Variants in CPEB1 observed in about 807,000 individuals in gnomAD.
CPEB1 encodes the protein cytoplasmic polyadenylation element binding protein 1.
A neutral mutation model predicts 65.8 loss-of-function variants in CPEB1; 7 were observed. That is an observed-to-expected ratio of 0.11 (90% confidence interval 0.06 to 0.20). CPEB1 has a LOEUF of 0.20. Ranked by LOEUF, CPEB1 falls within the 10% of genes least tolerant of loss-of-function variation. The pLI is 1.00. For missense variants in CPEB1, 551 were observed against 712.2 expected (o/e 0.77, Z 2.58); for synonymous variants, 262 against 260.0 (o/e 1.01, Z -0.08).
At position 82,610,982 on chromosome 15, in the gene CPEB1, A is replaced by G. The variant is rs866969513; in HGVS notation, c.271+16211T>C. On this transcript the variant is annotated intron_variant, in intron 3 of 12. Coordinates refer to ENST00000684509, the MANE Select transcript of CPEB1 (RefSeq NM_001365242.1). ...TCAAAAAAAAAAAAAAAAAAAAAAA[A>G]AAAAAAGAAAAAAAGAAAAAAAAAT... Among the ~76,000 whole-genome samples, 316 of 141,320 alleles carry G rather than the reference A, an allele frequency of 2.2e-3. 2 individuals carry two copies. The highest frequency in any genetic ancestry group is 0.011 in the Middle Eastern group (3 of 282). The allele number at this position is 141,320 out of a possible 152,430, so 92.7% of individuals were successfully genotyped here. A position where few individuals can be genotyped will look rare whatever the true frequency, so the allele number is the denominator to read the frequency against.
intron 3 of CPEB1, among the ~76,000 whole-genome samples, chr15:82,611,380 C>G (rs913228318): frequency 6.6e-6 from 1 of 152,048 alleles, no homozygotes; most frequent in African/African-American, 2.4e-5. Flanking sequence ...GACTTGGACA[C>G]TGAAAACTGT....
intron 3 of CPEB1, among the ~76,000 whole-genome samples, chr15:82,581,878 T>C (rs1228789094): frequency 1.3e-5 from 2 of 152,206 alleles, no homozygotes; most frequent in African/African-American, 4.8e-5. Context: ...GGTAAGTATC[T>C]GACTCAAGCT....
rs10656923 is a variant in CPEB1 at position 82,631,982 on chromosome 15, C to CTTT, written c.-97-3429_-97-3427dup. ...ACACAGAATTCATTTATTTTTTTCT[C>CTTT]TTTTTTTTTTTTTTTTTGAGACGGA... On this transcript the variant is annotated intron_variant, in intron 1 of 12. Coordinates refer to ENST00000684509, the MANE Select transcript of CPEB1 (RefSeq NM_001365242.1). Among the ~76,000 whole-genome samples the CTTT allele has an allele frequency of 7.2e-3, 902 of 124,970 alleles. 20 individuals carry two copies. The highest frequency in any genetic ancestry group is 0.011 in the African/African-American group (347 of 32,594). 82.0% of individuals were successfully genotyped at this position (124,970 alleles called of 152,430 possible). A position where few individuals can be genotyped will look rare whatever the true frequency, so the allele number is the denominator to read the frequency against.
At chr15:82,624,105 A>C (rs973672529) in intron 3 of CPEB1, among the ~76,000 whole-genome samples, 2 of 152,156 alleles carry the variant, frequency 1.3e-5, no homozygotes, top group Non-Finnish European at 2.9e-5. Flanking sequence ...TTACTTTCTC[A>C]TTAATCACAA....
chr15:82,557,703 T>C lies in CPEB1; in HGVS notation c.687+57A>G, dbSNP rs1596013874. 4.1e-6 allele frequency: 6 copies of C among 1,478,300 alleles called. No homozygotes were observed. The East Asian group carries it at 1.1e-4, about 28-fold the overall frequency. 91.6% of individuals were successfully genotyped at this position (1,478,300 alleles called of 1,614,324 possible). ...CATAGATATTGTACCCTCCTTCCCC[T>C]TGGACACACACAGGCAACTCCACCC... On this transcript the variant is annotated intron_variant, in intron 5 of 12. Coordinates refer to ENST00000684509, the MANE Select transcript of CPEB1 (RefSeq NM_001365242.1).
At chr15:82,546,563 C>A in intron 11 of CPEB1, 42 bp from the exon 12 acceptor site, 1 of 1,474,726 alleles carries the variant, frequency 6.8e-7, no homozygotes, top group Non-Finnish European at 9.5e-7. Flanking sequence ...GCTCTTCTTA[C>A]CAGGAGGCTC....
At chr15:82,558,414 T>G (rs75276426) in intron 4 of CPEB1, among the ~76,000 whole-genome samples, 2,687 of 152,336 alleles carry the variant, frequency 0.018, 30 homozygotes, top group Non-Finnish European at 0.025. Flanking sequence ...ACCTTTCTAA[T>G]GCTATAATAT....
chr15:82,644,575 G>A (rs778545113), intron 1 of CPEB1, among the ~76,000 whole-genome samples: 7 of 152,066 alleles, frequency 4.6e-5, no homozygotes, highest in Non-Finnish European at 1.0e-4. Context: ...TAAAAGTCAG[G>A]AGATCCATCA....
chr15:82,573,152 G>C (rs1204451225), intron 3 of CPEB1: 1 of 1,535,074 alleles, frequency 6.5e-7, no homozygotes, highest in Non-Finnish European at 8.7e-7. Context: ...TAGCTGTTCA[G>C]AACTTCCTGC....
At chr15:82,592,734 C>T (rs1349377497) in intron 3 of CPEB1, among the ~76,000 whole-genome samples, 5 of 151,996 alleles carry the variant, frequency 3.3e-5, no homozygotes, top group Admixed American at 6.6e-5. Context: ...GCCTGTAATC[C>T]GAGCACTTTG....
intron 1 of CPEB1, among the ~76,000 whole-genome samples, chr15:82,631,973 T>C (rs2046285609): frequency 8.7e-6 from 1 of 114,626 alleles, no homozygotes; most frequent in Non-Finnish European, 1.7e-5. Context: ...AATTCATTTA[T>C]TTTTTTCTCT....
chr15:82,622,904 ACC>A (rs1227651241), intron 3 of CPEB1, among the ~76,000 whole-genome samples: 1 of 151,580 alleles, frequency 6.6e-6, no homozygotes, highest in Admixed American at 6.6e-5. Context: ...TTCAAATGCT[ACC>A]CCCCTCCTTA....
chr15:82,583,394 G>C (rs2041481297), intron 3 of CPEB1: 1 of 152,118 alleles, frequency 6.6e-6, no homozygotes, highest in Non-Finnish European at 1.5e-5. Flanking sequence ...GTTCAAATTG[G>C]GGTCTGCAGA....
intron 4 of CPEB1, among the ~76,000 whole-genome samples, chr15:82,569,884 G>T (rs771464029): frequency 2.6e-5 from 4 of 152,172 alleles, no homozygotes; most frequent in Non-Finnish European, 5.9e-5. Flanking sequence ...TGAGGACAGG[G>T]GAGGCTGGCT....
intron 4 of CPEB1, among the ~76,000 whole-genome samples, chr15:82,561,477 C>T (rs952701409): frequency 4.6e-5 from 7 of 152,108 alleles, no homozygotes; most frequent in Admixed American, 1.3e-4. Context: ...TAAAGCAGAA[C>T]GCCAGAAAAA....
intron 3 of CPEB1, among the ~76,000 whole-genome samples, chr15:82,595,188 T>G (rs916651311): frequency 2.6e-5 from 4 of 152,264 alleles, no homozygotes; most frequent in Non-Finnish European, 5.9e-5. Flanking sequence ...GAGGTATGCC[T>G]GTACTACATT....
chr15:82,643,150 G>A (rs1364824277), intron 1 of CPEB1, among the ~76,000 whole-genome samples: 1 of 152,130 alleles, frequency 6.6e-6, no homozygotes. Flanking sequence ...TGAACTCATA[G>A]CTGAGTGCCT....
intron 3 of CPEB1, among the ~76,000 whole-genome samples, chr15:82,625,006 C>T (rs1278062830): frequency 6.6e-6 from 1 of 152,022 alleles, no homozygotes; most frequent in Non-Finnish European, 1.5e-5. Flanking sequence ...GCTAATTTTT[C>T]TATTTTTTTG....
At chr15:82,624,633 C>T (rs536529585) in intron 3 of CPEB1, among the ~76,000 whole-genome samples, 118 of 152,244 alleles carry the variant, frequency 7.8e-4, no homozygotes, top group Admixed American at 2.6e-3. Flanking sequence ...TGGCATCTTA[C>T]CAGTGAAGTC....
Sources: allele counts gnomAD v4.1 joint callset (sites outside exome capture counted in the v4.1 genomes callset), GRCh38; gene constraint gnomAD v4.1.1; transcripts MANE v1.5; gene names NCBI Gene and HGNC (gene_info 2026-07-23, HGNC 2026-07-21).